AGAP1: variants seen among roughly 807,000 people sequenced by gnomAD.
The protein encoded by AGAP1 is arf-GAP with GTPase, ANK repeat and PH domain-containing protein 1.
A neutral mutation model predicts 105.3 loss-of-function variants in AGAP1; 29 were observed. That is an observed-to-expected ratio of 0.28 (90% CI 0.21 to 0.38). The LOEUF (loss-of-function observed/expected upper bound fraction) is 0.38, where lower values mean the gene tolerates loss of function less well. Among genes scored for constraint, AGAP1 ranks in the 10% least tolerant of loss-of-function variants. The pLI, the probability that AGAP1 is intolerant of heterozygous loss-of-function variation, is 1.00. For missense variants in AGAP1, 998 were observed against 1,165.1 expected (o/e 0.86, Z 2.09); for synonymous variants, 509 against 485.9 (o/e 1.05, Z -0.63).
chr2:235,913,110 T>C (rs1255584120), intron 11 of AGAP1, among the ~76,000 whole-genome samples: 2 of 152,236 alleles, frequency 1.3e-5, no homozygotes, highest in African/African-American at 4.8e-5. Flanking sequence ...CCCTCTTTTT[T>C]ATTTATAATC....
At chr2:235,776,668 C>G (rs1434373875) in intron 6 of AGAP1, among the ~76,000 whole-genome samples, 1 of 152,184 alleles carries the variant, frequency 6.6e-6, no homozygotes, top group Admixed American at 6.5e-5. Context: ...AGCAGCTATT[C>G]CCAGAGAGCC....
chr2:235,935,873 TCTTA>T (rs1337187145), intron 12 of AGAP1, among the ~76,000 whole-genome samples: 2 of 152,162 alleles, frequency 1.3e-5, no homozygotes, highest in Admixed American at 1.3e-4. Context: ...GGCCGTCCTG[TCTTA>T]CTTCAAGACA....
intron 10 of AGAP1, among the ~76,000 whole-genome samples, chr2:235,885,880 C>T (rs6749851): frequency 1 from 152,138 of 152,354 alleles, 75,961 homozygotes; most frequent in Middle Eastern, 1. Context: ...TTCTTTATTG[C>T]AGTAAGGAAA....
At position 236,089,868 on chromosome 2, in the gene AGAP1, C is replaced by G. The variant is rs2059015752; in HGVS notation, c.2115-30324C>G. ...GCATGCCTCATTTCTCATTGGTGGA[C>G]TTTCTACTGTTAACCACCAAGAAAT... On this transcript the variant is annotated intron_variant, in intron 16 of 17. Transcript: ENST00000304032. This position sits in a 1 kb window ranked among gnomAD's most constrained non-coding sequence, Gnocchi z 5.6. Among the ~76,000 whole-genome samples the G allele has an allele frequency of 6.6e-6, 1 of 151,978 alleles. No homozygotes were observed. Among genetic ancestry groups the G allele is most frequent in the Non-Finnish European group, 1.5e-5 (1 of 68,018 alleles).
At position 236,109,817 on chromosome 2, in the gene AGAP1, C is replaced by T. The variant is rs1368215061; in HGVS notation, c.2115-10375C>T. On this transcript the variant is annotated intron_variant, in intron 16 of 17. Transcript: ENST00000304032. This position sits in a 1 kb window ranked among gnomAD's most constrained non-coding sequence, Gnocchi z 5.4. ...TTTTGTTTCAATTCACGTCAACACC[C>T]ACGGGCAGCTTACAGCTGCCCCATT... is the stretch of plus-strand genomic sequence containing the variant. 6.6e-6 allele frequency among the ~76,000 whole-genome samples: 1 copy of T among 152,246 alleles called. No homozygotes were observed. Among genetic ancestry groups the T allele is most frequent in the Non-Finnish European group, 1.5e-5 (1 of 68,032 alleles).
chr2:235,974,475 C>G (rs192821258), intron 13 of AGAP1, among the ~76,000 whole-genome samples: 7 of 152,330 alleles, frequency 4.6e-5, no homozygotes, highest in Admixed American at 2.0e-4. Flanking sequence ...GTTATCCCCC[C>G]CTTGGGTTCA....
chr2:235,960,140 T>C lies in AGAP1; in HGVS notation c.1484-8322T>C, dbSNP rs1423389133. 2.0e-5 allele frequency among the ~76,000 whole-genome samples: 3 copies of C among 152,160 alleles called. No homozygotes were observed. The highest frequency in any genetic ancestry group is 7.2e-5 in the African/African-American group (3 of 41,446). The stretch of plus-strand genomic sequence containing the variant: ...GGGGAGGGTGCTTGCGGACCCACCC[T>C]GGAGGACCTCGGCCCTGTAAGCAGC... On this transcript the variant is annotated intron_variant, in intron 12 of 17. Coordinates refer to ENST00000304032, the MANE Select transcript of AGAP1 (RefSeq NM_001037131.3). The surrounding 1 kb of genome is among the most constrained non-coding windows in gnomAD (Gnocchi z 4.9).
At chr2:236,068,749 A>G (rs1458939650) in intron 16 of AGAP1, among the ~76,000 whole-genome samples, 1 of 148,348 alleles carries the variant, frequency 6.7e-6, no homozygotes, top group African/African-American at 2.5e-5. Context: ...GCAGTGAGCC[A>G]AGATCGCGCC....
chr2:235,757,236 A>G (rs562272205), intron 6 of AGAP1, among the ~76,000 whole-genome samples: 1 of 152,342 alleles, frequency 6.6e-6, no homozygotes, highest in African/African-American at 2.4e-5. Context: ...GATCTCACAT[A>G]GACTTCTGTC....
chr2:235,565,841 T>G (rs1316516931), intron 1 of AGAP1, among the ~76,000 whole-genome samples: 1 of 150,934 alleles, frequency 6.6e-6, no homozygotes, highest in Non-Finnish European at 1.5e-5. Context: ...TTTATTTTGA[T>G]AGAGACAGGG....
chr2:235,638,215 ACTC>A (rs1338713592), intron 1 of AGAP1, among the ~76,000 whole-genome samples: 2 of 151,740 alleles, frequency 1.3e-5, no homozygotes, highest in East Asian at 3.9e-4. Context: ...GCCTGGGTAT[ACTC>A]CTCCCATCTG....
At position 236,083,163 on chromosome 2, in the gene AGAP1, G is replaced by GA. The variant is rs764293287; in HGVS notation, c.2114+33887dup. On this transcript the variant is annotated intron_variant, in intron 16 of 17. Coordinates refer to ENST00000304032, the MANE Select transcript of AGAP1 (RefSeq NM_001037131.3). This position sits in a 1 kb window ranked among gnomAD's most constrained non-coding sequence, Gnocchi z 5.3. ...AGCGAAATTCCATCTCAAAAAAAAA[G>GA]AAAAAGAAAAGAGGCCTCGCCTTCC... Among the ~76,000 whole-genome samples, 1 of 143,270 alleles carries GA rather than the reference G, an allele frequency of 7.0e-6. No individual in the cohort carries two copies. Among genetic ancestry groups the GA allele is most frequent in the Non-Finnish European group, 1.5e-5 (1 of 65,234 alleles). 94.0% of individuals were successfully genotyped at this position (143,270 alleles called of 152,430 possible).
chr2:235,932,634 G>A (rs879435944), intron 12 of AGAP1, among the ~76,000 whole-genome samples: 1 of 152,148 alleles, frequency 6.6e-6, no homozygotes, highest in Non-Finnish European at 1.5e-5. Flanking sequence ...AGTAGTCTAG[G>A]TGCCAATAAT....
At chr2:235,673,960 C>T (rs1242142231) in intron 1 of AGAP1, among the ~76,000 whole-genome samples, 1 of 152,188 alleles carries the variant, frequency 6.6e-6, no homozygotes, top group African/African-American at 2.4e-5. Flanking sequence ...TTTCCATTAG[C>T]ACAGGGAAGC....
At chr2:235,966,583 C>T (rs2054408635) in intron 12 of AGAP1, among the ~76,000 whole-genome samples, 1 of 152,122 alleles carries the variant, frequency 6.6e-6, no homozygotes. Context: ...CCACATTTCT[C>T]GCAACTCCTT....
Position 235,968,553 on chromosome 2 carries a change from C to T in AGAP1, c.1575C>T (p.Asn525=), listed in dbSNP as rs3207204. ...ACCCGCCCCCCTCCCCTCACGCCAA[C>T]AGAAAGAAGCACCGAAGGAAGAAAA... The part of the protein sequence containing the change: ...KLDPPPSPHA[N]RKKHRRKKST... The change falls in exon 13 of 18, where the codon AAC becomes AAT. Residue 525 remains asparagine (N), a synonymous_variant. Coordinates refer to ENST00000304032, the MANE Select transcript of AGAP1 (RefSeq NM_001037131.3). The T allele has an allele frequency of 9.8e-6, 13 of 1,333,022 alleles. No homozygotes were observed. The highest frequency in any genetic ancestry group is 4.2e-4 in the Middle Eastern group (2 of 4,794). The allele number at this position is 1,333,022 out of a possible 1,614,324, so 82.6% of individuals were successfully genotyped here.
In AGAP1 at chr2:235,734,413, C is replaced by G. The variant is rs1187585504; in HGVS notation, c.311-6550C>G. Among the ~76,000 whole-genome samples, 2 of 151,962 alleles carry G rather than the reference C, an allele frequency of 1.3e-5. No homozygotes were observed. Among genetic ancestry groups the G allele is most frequent in the Non-Finnish European group, 2.9e-5 (2 of 68,018 alleles). ...AAGAACCGGGGTGGCCCCACTGCAT[C>G]TTGATCAGACACTGCCATGAGGTCC... On this transcript the variant is annotated intron_variant, in intron 3 of 17. Coordinates refer to ENST00000304032, the MANE Select transcript of AGAP1 (RefSeq NM_001037131.3). The surrounding 1 kb of genome is among the most constrained non-coding windows in gnomAD (Gnocchi z 5.3).
At chr2:235,530,288 C>G (rs1463908864) in intron 1 of AGAP1, among the ~76,000 whole-genome samples, 1 of 152,124 alleles carries the variant, frequency 6.6e-6, no homozygotes, top group Non-Finnish European at 1.5e-5. Context: ...TGCCATATGC[C>G]TAATGTGATA....
intron 16 of AGAP1, among the ~76,000 whole-genome samples, chr2:236,064,947 G>T (rs922367428): frequency 6.6e-6 from 1 of 152,182 alleles, no homozygotes; most frequent in East Asian, 1.9e-4. Context: ...GAGAGATTGT[G>T]TTACTTTTTC....
Sources: gnomAD v4.1 joint callset for allele counts (sites outside exome capture counted in the v4.1 genomes callset) on GRCh38, gnomAD v4.1.1 for gene constraint, Gnocchi (gnomAD v3.1) non-coding constraint, MANE v1.5 for transcripts, NCBI Gene and HGNC (gene_info 2026-07-23, HGNC 2026-07-21) for gene names.